RGS22: variants seen among roughly 807,000 people sequenced by gnomAD.
The protein encoded by RGS22 is regulator of G-protein signaling 22.
RGS22 carries 148 observed loss-of-function variants against 172.9 expected under a neutral mutation model. The observed-to-expected ratio is 0.86, with a 90% CI of 0.75 to 0.98. RGS22 has a LOEUF of 0.98. Among genes scored for constraint, RGS22 ranks in the 50% least tolerant of loss-of-function variants. The probability of loss-of-function intolerance (pLI) is 0.00; values close to 1 mark genes in which losing one functional copy is unlikely to be tolerated. For synonymous variants in RGS22, 458 were observed against 480.2 expected, an observed-to-expected ratio of 0.95 and a Z score of 0.60; for missense variants, 1,347 against 1,440.8, an observed-to-expected ratio of 0.93 and a Z score of 1.05.
chr8:100,084,531 T>G (rs2131934910), intron 3 of RGS22, among the ~76,000 whole-genome samples: 1 of 152,352 alleles, frequency 6.6e-6, no homozygotes, highest in Non-Finnish European at 1.5e-5. Flanking sequence ...AATGTATATG[T>G]AAAAATGTTT....
chr8:100,051,061 A>C (rs1452675674), intron 10 of RGS22, among the ~76,000 whole-genome samples: 1 of 152,100 alleles, frequency 6.6e-6, no homozygotes, highest in Non-Finnish European at 1.5e-5. Flanking sequence ...ATATAGAAAT[A>C]ATAAGCCTCA....
rs1364327292 is a variant in RGS22 at position 100,063,619 on chromosome 8, T to G, written c.1149A>C (p.Thr383=). 1 of 1,614,014 alleles carries G rather than the reference T, an allele frequency of 6.2e-7. No individual in the cohort carries two copies. The highest frequency in any genetic ancestry group is 8.5e-7 in the Non-Finnish European group (1 of 1,180,016). The change falls in exon 8 of 28, where the codon ACA becomes ACC. Residue 383 remains threonine, a synonymous_variant. Transcript: ENST00000360863. ...CGCTCTCATTCTTTGAACTTAAACTTGTTTGTTCTATCTCTTCTGACCTCT... is the reference window on the plus strand; with the variant it reads ...CGCTCTCATTCTTTGAACTTAAACTGGTTTGTTCTATCTCTTCTGACCTCT... ...TKERSEEIEQ[T]SLSSKNESAG...
At chr8:99,969,305 C>A (rs1428496089) in intron 23 of RGS22, among the ~76,000 whole-genome samples, 1 of 152,130 alleles carries the variant, frequency 6.6e-6, no homozygotes, top group Non-Finnish European at 1.5e-5. Flanking sequence ...ATGGAAAGAC[C>A]AATGACACTA....
chr8:100,067,361 C>T (rs1298486121), intron 6 of RGS22, among the ~76,000 whole-genome samples: 1 of 152,116 alleles, frequency 6.6e-6, no homozygotes, highest in Non-Finnish European at 1.5e-5. Context: ...CTTTTGTTCC[C>T]CTTTTCCTTT....
intron 14 of RGS22, among the ~76,000 whole-genome samples, chr8:100,034,052 C>G (rs1232471836): frequency 6.6e-6 from 1 of 152,142 alleles, no homozygotes; most frequent in Non-Finnish European, 1.5e-5. Context: ...TGAAAACCAG[C>G]ACAAGACAAG....
At position 100,008,585 on chromosome 8, in the gene RGS22, G is replaced by A; in HGVS notation, c.2167-16C>T. The stretch of plus-strand genomic sequence containing the variant: ...CAAAAAGATACTGAAGGAGAAGAGG[G>A]AAGAAGGGAGAAGATGTTAAGAGAA... On this transcript the variant is annotated splice_polypyrimidine_tract_variant and intron_variant, in intron 14 of 27. Coordinates refer to ENST00000360863, the MANE Select transcript of RGS22 (RefSeq NM_015668.5). The A allele has an allele frequency of 6.3e-7, 1 of 1,582,830 alleles. No homozygotes were observed. Among genetic ancestry groups the A allele is most frequent in the Non-Finnish European group, 8.6e-7 (1 of 1,162,636 alleles).
At chr8:100,064,540 T>A (rs1364303353) in intron 7 of RGS22, among the ~76,000 whole-genome samples, 5 of 152,038 alleles carry the variant, frequency 3.3e-5, no homozygotes, top group Admixed American at 3.3e-4. Context: ...AGAAAAAAAC[T>A]GCCAATGGGA....
intron 14 of RGS22, among the ~76,000 whole-genome samples, chr8:100,022,300 A>C (rs1287177688): frequency 2.0e-5 from 3 of 152,248 alleles, no homozygotes; most frequent in African/African-American, 7.2e-5. Flanking sequence ...GACCCTACTA[A>C]AGAGAATTCA....
Position 99,999,392 on chromosome 8 carries a change from T to C in RGS22, c.2819A>G (p.Lys940Arg). Residue 940 changes from lysine to arginine, a missense_variant, in exon 19 of 28, where the codon AAG becomes AGG. Coordinates refer to ENST00000360863, the MANE Select transcript of RGS22 (RefSeq NM_015668.5). ...TGCATCAAGCTGCTCATGAAGAATC[T>C]TCCCCCAGCCACCACTTAAATGCAT... ...QVMHLSGGWG[K>R]ILHEQLDAPV... 7 of 1,613,826 alleles carry C rather than the reference T, an allele frequency of 4.3e-6. No homozygotes were observed. The highest frequency in any genetic ancestry group is 5.9e-6 in the Non-Finnish European group (7 of 1,179,884).
At position 99,977,985 on chromosome 8, in the gene RGS22, CT is replaced by C; in HGVS notation, c.3450del (p.Glu1151ArgfsTer16). 3 of 1,553,786 alleles carry C rather than the reference CT, an allele frequency of 1.9e-6. No homozygotes were observed. In the South Asian group the frequency reaches 3.8e-5, roughly 20 times the overall value. ...NLTDENIMSV[L>X]ERRQEYNKQK... ...TGCTTATTATATTCTTGTCTTCTCT[CT>C]AAAACACTCATAATATTTTCATCTG... On this transcript the variant is annotated frameshift_variant, in exon 23 of 28. Coordinates refer to ENST00000360863, the MANE Select transcript of RGS22 (RefSeq NM_015668.5). LOFTEE classifies it high-confidence loss of function.
intron 9 of RGS22, among the ~76,000 whole-genome samples, chr8:100,054,660 A>C (rs1232376444): frequency 6.6e-6 from 1 of 152,206 alleles, no homozygotes; most frequent in African/African-American, 2.4e-5. Flanking sequence ...ATATGGACAC[A>C]GATTGGGAGT....
At position 100,002,514 on chromosome 8, in the gene RGS22, C is replaced by T. The variant is rs74958700; in HGVS notation, c.2628-150G>A. 2.9e-3 allele frequency: 1,863 copies of T among 643,840 alleles called. 52 individuals carry two copies. In the East Asian group the frequency reaches 0.055, roughly 19 times the overall value. 39.9% of individuals were successfully genotyped at this position (643,840 alleles called of 1,614,324 possible). On this transcript the variant is annotated intron_variant, in intron 17 of 27. Transcript: ENST00000360863. Reference sequence around the variant, plus strand: ...GGAAATAACGAACCCAATATTGTATCTCTGATCCCTTTCTAGGCTAGTTCA... The same window carrying T: ...GGAAATAACGAACCCAATATTGTATTTCTGATCCCTTTCTAGGCTAGTTCA...
rs543820852 is a variant in RGS22 at position 99,960,966 on chromosome 8, T to C, written c.*276A>G. On this transcript the variant is annotated 3_prime_UTR_variant, in exon 28 of 28. Coordinates refer to ENST00000360863, the MANE Select transcript of RGS22 (RefSeq NM_015668.5). ...GTTCTTCAAACCTAGATAGTAGTTG[T>C]TTTATTCTAAATAAGTTAAACAGTT... is the stretch of plus-strand genomic sequence containing the variant. 8.9e-6 allele frequency: 2 copies of C among 224,850 alleles called. No individual in the cohort carries two copies. The highest frequency in any genetic ancestry group is 1.2e-4 in the South Asian group (2 of 16,078). The allele number at this position is 224,850 out of a possible 1,614,324, so 13.9% of individuals were successfully genotyped here. A position where few individuals can be genotyped will look rare whatever the true frequency, so the allele number is the denominator to read the frequency against.
At chr8:100,095,021 A>G (rs1409108376) in intron 2 of RGS22, among the ~76,000 whole-genome samples, 2 of 152,232 alleles carry the variant, frequency 1.3e-5, no homozygotes, top group Non-Finnish European at 2.9e-5. Flanking sequence ...TTTAGCCATA[A>G]TACAGAATAT....
intron 4 of RGS22, among the ~76,000 whole-genome samples, chr8:100,072,862 G>C (rs1218979046): frequency 6.6e-6 from 1 of 152,150 alleles, no homozygotes; most frequent in Non-Finnish European, 1.5e-5. Flanking sequence ...GTTGAGCAGG[G>C]AAGCAAAAGA....
intron 14 of RGS22, among the ~76,000 whole-genome samples, chr8:100,018,529 A>G (rs1817260975): frequency 6.6e-6 from 1 of 152,236 alleles, no homozygotes; most frequent in South Asian, 2.1e-4. Context: ...ACAATGTTTA[A>G]TTTATTCTTA....
intron 11 of RGS22, among the ~76,000 whole-genome samples, chr8:100,045,773 A>G (rs1049929782): frequency 5.9e-5 from 9 of 151,324 alleles, no homozygotes; most frequent in Non-Finnish European, 7.4e-5. Context: ...TGAATAATTC[A>G]ACTTTTCTCT....
chr8:100,006,111 T>C lies in RGS22; in HGVS notation c.2362-2A>G, dbSNP rs771347359. Reference sequence around the variant, plus strand: ...TCGAGTTTCTTCCACCAGCTCCACCTAAAAAAAATAAATAAAGCTTGTGAC... The same window carrying C: ...TCGAGTTTCTTCCACCAGCTCCACCCAAAAAAAATAAATAAAGCTTGTGAC... On this transcript the variant is annotated splice_acceptor_variant, in intron 15 of 27. Coordinates refer to ENST00000360863, the MANE Select transcript of RGS22 (RefSeq NM_015668.5). LOFTEE classifies it high-confidence loss of function. 1 of 1,604,180 alleles carries C rather than the reference T, an allele frequency of 6.2e-7. No homozygotes were observed. Among genetic ancestry groups the C allele is most frequent in the South Asian group, 1.1e-5 (1 of 90,144 alleles).
At chr8:99,968,730 T>A (rs1356232032) in intron 23 of RGS22, among the ~76,000 whole-genome samples, 1 of 151,964 alleles carries the variant, frequency 6.6e-6, no homozygotes, top group Non-Finnish European at 1.5e-5. Flanking sequence ...TGGGACTATG[T>A]GAAAAGACCA....
Sources: gnomAD v4.1 joint callset for allele counts (sites outside exome capture counted in the v4.1 genomes callset) on GRCh38, gnomAD v4.1.1 for gene constraint, MANE v1.5 for transcripts, NCBI Gene and HGNC (gene_info 2026-07-23, HGNC 2026-07-21) for gene names.